TBCK: variants seen among roughly 807,000 people sequenced by gnomAD.
TBCK encodes TBC1 domain containing kinase.
A neutral mutation model predicts 113.4 loss-of-function variants in TBCK; 99 were observed. That is an observed-to-expected ratio of 0.87 (90% confidence interval 0.74 to 1.03). TBCK has a LOEUF of 1.03. Ranked by LOEUF, TBCK falls within the 50% of genes least tolerant of loss-of-function variation. TBCK has a pLI of 0.00. For missense variants in TBCK, 1,045 were observed against 1,061.3 expected (o/e 0.98, Z 0.21); for synonymous variants, 369 against 370.8 (o/e 1.00, Z 0.05).
Position 106,298,124 on chromosome 4 carries a change from C to G in TBCK, c.194-2958G>C, listed in dbSNP as rs183084767. The stretch of plus-strand genomic sequence containing the variant: ...TTTTGTTTTGTAGCACTTGTTTCAA[C>G]TCTAATAATTTGTATGCATTCTTAT... On this transcript the variant is annotated intron_variant, in intron 2 of 25. Coordinates refer to ENST00000394708, the MANE Select transcript of TBCK (RefSeq NM_001163435.3). Among the ~76,000 whole-genome samples, 279 of 152,244 alleles carry G rather than the reference C, an allele frequency of 1.8e-3. 1 individual carries two copies. The highest frequency in any genetic ancestry group is 5.5e-3 in the African/African-American group (227 of 41,550).
intron 20 of TBCK, among the ~76,000 whole-genome samples, chr4:106,199,945 T>C (rs1754689290): frequency 6.6e-6 from 1 of 152,202 alleles, no homozygotes; most frequent in Non-Finnish European, 1.5e-5. Context: ...ACATGAGACA[T>C]CACTCCTCTG....
Position 106,304,637 on chromosome 4 carries a change from C to G in TBCK, c.193+4131G>C, listed in dbSNP as rs533991397. ...AATATTACTAACCTCAAATCTTATT[C>G]TGTTTCCTTTCTCCCTGAAGAAAAT... On this transcript the variant is annotated intron_variant, in intron 2 of 25. Coordinates refer to ENST00000394708, the MANE Select transcript of TBCK (RefSeq NM_001163435.3). Among the ~76,000 whole-genome samples the G allele has an allele frequency of 5.9e-5, 9 of 152,272 alleles. No homozygotes were observed. In the South Asian group the frequency reaches 1.9e-3, roughly 32 times the overall value.
At chr4:106,193,887 G>A in intron 21 of TBCK, 117 bp from the exon 22 acceptor site, 1 of 641,780 alleles carries the variant, frequency 1.6e-6, no homozygotes, top group Non-Finnish European at 2.5e-6. Context: ...TTACTTCAGA[G>A]CTAATACTAC....
intron 3 of TBCK, among the ~76,000 whole-genome samples, chr4:106,270,314 C>T (rs1763364452): frequency 6.6e-6 from 1 of 152,140 alleles, no homozygotes; most frequent in South Asian, 2.1e-4. Context: ...TCAAGATTGG[C>T]TGCATATTTC....
chr4:106,291,408 A>G (rs1765697916), intron 3 of TBCK, among the ~76,000 whole-genome samples: 1 of 152,212 alleles, frequency 6.6e-6, no homozygotes, highest in South Asian at 2.1e-4. Context: ...TTTAAAAGAA[A>G]ATACCAACAG....
chr4:106,098,348 C>G (rs905803061), intron 24 of TBCK, among the ~76,000 whole-genome samples: 11 of 152,016 alleles, frequency 7.2e-5, no homozygotes, highest in African/African-American at 2.6e-4. Context: ...CTTCAAAGAA[C>G]CCAGTTCAGA....
chr4:106,195,276 G>A (rs1754083404), intron 20 of TBCK, among the ~76,000 whole-genome samples: 2 of 152,138 alleles, frequency 1.3e-5, no homozygotes, highest in African/African-American at 4.8e-5. Flanking sequence ...AAATGTAGAT[G>A]ACTCTTTTGG....
chr4:106,093,257 A>G (rs1050430490), intron 25 of TBCK, among the ~76,000 whole-genome samples: 6 of 152,230 alleles, frequency 3.9e-5, no homozygotes, highest in African/African-American at 1.2e-4. Flanking sequence ...CTGTAATCCC[A>G]GCACTTTGGG....
chr4:106,212,704 C>G, intron 20 of TBCK, 46 bp downstream of exon 20: 1 of 1,106,808 alleles, frequency 9.0e-7, no homozygotes, highest in Non-Finnish European at 1.3e-6. Context: ...ATAATTTCTG[C>G]TTTTTTTTTT....
intron 3 of TBCK, among the ~76,000 whole-genome samples, chr4:106,275,889 C>T (rs1763978023): frequency 6.6e-6 from 1 of 151,840 alleles, no homozygotes; most frequent in Admixed American, 6.6e-5. Flanking sequence ...AAGATGCCAA[C>T]AGAAATTTTA....
At chr4:106,312,954 G>A (rs1204512466) in intron 1 of TBCK, among the ~76,000 whole-genome samples, 1 of 152,114 alleles carries the variant, frequency 6.6e-6, no homozygotes, top group Non-Finnish European at 1.5e-5. Context: ...AGAAACAGAG[G>A]AACTTTCTGT....
At chr4:106,237,619 T>A in intron 12 of TBCK, 1 of 423,554 alleles carries the variant, frequency 2.4e-6, no homozygotes, top group South Asian at 1.7e-5. Flanking sequence ...TGTGCACCCA[T>A]GTGAGTTATT....
In TBCK at chr4:106,233,072, A is replaced by C; in HGVS notation, c.1513-8T>G. On this transcript the variant is annotated splice_region_variant and splice_polypyrimidine_tract_variant and intron_variant, in intron 16 of 25. Coordinates refer to ENST00000394708, the MANE Select transcript of TBCK (RefSeq NM_001163435.3). ...AGGAATATCCACTTCAATCTGTTAA[A>C]ATAGCAAAATAATAAGGTGAAACAG... 1 of 1,607,170 alleles carries C rather than the reference A, an allele frequency of 6.2e-7. No homozygotes were observed.
intron 23 of TBCK, among the ~76,000 whole-genome samples, chr4:106,141,353 G>GT (rs1291060550): frequency 7.1e-6 from 1 of 140,144 alleles, no homozygotes; most frequent in Non-Finnish European, 1.6e-5. Flanking sequence ...AACTTGCAGA[G>GT]TATTTATATA....
chr4:106,180,895 C>T (rs1264578608), intron 22 of TBCK, among the ~76,000 whole-genome samples: 1 of 151,948 alleles, frequency 6.6e-6, no homozygotes, highest in African/African-American at 2.4e-5. Context: ...GGGTATATAC[C>T]CAGTAATGGG....
intron 25 of TBCK, among the ~76,000 whole-genome samples, chr4:106,091,199 T>C (rs1344241231): frequency 6.6e-6 from 1 of 152,102 alleles, no homozygotes; most frequent in Non-Finnish European, 1.5e-5. Context: ...AAGCTTACAA[T>C]CATGGTGGAA....
intron 23 of TBCK, among the ~76,000 whole-genome samples, chr4:106,141,967 A>G (rs7669347): frequency 0.039 from 5,494 of 141,396 alleles, 1,127 homozygotes; most frequent in East Asian, 0.32. Flanking sequence ...AAGAAATATC[A>G]TTTTAACCGA....
chr4:106,105,725 C>T (rs1742071789), intron 24 of TBCK, among the ~76,000 whole-genome samples: 1 of 152,196 alleles, frequency 6.6e-6, no homozygotes, highest in African/African-American at 2.4e-5. Flanking sequence ...ATACTCATCC[C>T]AGTGAAAATA....
intron 2 of TBCK, among the ~76,000 whole-genome samples, chr4:106,305,868 T>C (rs2125884807): frequency 6.6e-6 from 1 of 152,310 alleles, no homozygotes; most frequent in Middle Eastern, 3.4e-3. Flanking sequence ...CAAGGCAACG[T>C]CAGGAAGTGA....
Sources: gnomAD v4.1 joint callset for allele counts (sites outside exome capture counted in the v4.1 genomes callset) on GRCh38, gnomAD v4.1.1 for gene constraint, MANE v1.5 for transcripts, NCBI Gene and HGNC (gene_info 2026-07-23, HGNC 2026-07-21) for gene names.